The following JAK2 variants were observed in gnomAD, a reference collection of about 807,000 sequenced individuals.
JAK2 encodes tyrosine-protein kinase JAK2.
In JAK2, 86 loss-of-function variants were observed where a neutral mutation model predicts 139.3. The ratio of observed to expected loss-of-function variants is 0.62; its 90% CI spans 0.52 to 0.74. The LOEUF is 0.74. Ranked by LOEUF, JAK2 falls within the 30% of genes least tolerant of loss-of-function variation. The pLI is 0.00. For missense variants in JAK2, 1,421 were observed against 1,360.3 expected, an observed-to-expected ratio of 1.04 and a Z score of -0.70; for synonymous variants, 490 against 437.7, an observed-to-expected ratio of 1.12 and a Z score of -1.49.
At chr9:5,073,825 C>T (rs779281857) in intron 14 of JAK2, 40 bp downstream of exon 14, 2 of 1,299,234 alleles carry the variant, frequency 1.5e-6, no homozygotes, top group Non-Finnish European at 1.1e-6. Flanking sequence ...TTTCTCAGAG[C>T]ATCTGTTTTT....
chr9:5,103,221 CAAAAAAAAAAAAAAAA>C (rs56691830), intron 22 of JAK2, among the ~76,000 whole-genome samples: 19 of 6,870 alleles, frequency 2.8e-3, no homozygotes, highest in Non-Finnish European at 3.2e-3. Context: ...AAAGGGAAAG[CAAAAAAAAAAAAAAAA>C]AAAAAAAAAA....
intron 2 of JAK2, among the ~76,000 whole-genome samples, chr9:5,005,393 T>C (rs537633551): frequency 2.0e-5 from 3 of 152,148 alleles, no homozygotes; most frequent in Non-Finnish European, 4.4e-5. Flanking sequence ...GAAAATATTT[T>C]CTCCTGTTTT....
At chr9:5,026,133 G>A (rs1822769527) in intron 3 of JAK2, among the ~76,000 whole-genome samples, 1 of 151,734 alleles carries the variant, frequency 6.6e-6, no homozygotes, top group Admixed American at 6.6e-5. Context: ...TTACTCTATT[G>A]TCTTCTACTA....
chr9:5,055,295 G>T (rs888432930), intron 7 of JAK2, among the ~76,000 whole-genome samples: 3 of 151,946 alleles, frequency 2.0e-5, no homozygotes, highest in Non-Finnish European at 4.4e-5. Context: ...TGCAAGTTTT[G>T]AATTTGTTAA....
Position 5,126,700 on chromosome 9 carries a change from C to T in JAK2, c.3308C>T (p.Thr1103Ile), listed in dbSNP as rs745469565. 1 of 1,609,212 alleles carries T rather than the reference C, an allele frequency of 6.2e-7. No individual in the cohort carries two copies. The highest frequency in any genetic ancestry group is 1.7e-5 in the Admixed American group (1 of 59,696). The change falls in exon 25 of 25, where the codon ACA becomes ATA. Residue 1103 changes from threonine to isoleucine, a missense_variant. Transcript: ENST00000381652. Reference protein sequence around the residue: ...GCPDEIYMIMTECWNNNVNQR... With the variant: ...GCPDEIYMIMIECWNNNVNQR... The stretch of plus-strand genomic sequence containing the variant: ...CCTTTACAGATCTATATGATCATGA[C>T]AGAATGCTGGAACAATAATGTAAAT...
intron 12 of JAK2, among the ~76,000 whole-genome samples, chr9:5,071,283 T>C (rs914556345): frequency 6.6e-6 from 1 of 152,140 alleles, no homozygotes; most frequent in Non-Finnish European, 1.5e-5. Flanking sequence ...ATAGAAAATT[T>C]AGAAACATAC....
chr9:4,986,555 A>G (rs1819960344), intron 2 of JAK2, among the ~76,000 whole-genome samples: 1 of 152,212 alleles, frequency 6.6e-6, no homozygotes, highest in African/African-American at 2.4e-5. Flanking sequence ...TGGAGAAGGA[A>G]ACTGGAAGTG....
Position 5,064,921 on chromosome 9 carries a change from C to T in JAK2, c.1095C>T (p.Phe365=), listed in dbSNP as rs140973912. 8.2e-6 allele frequency: 13 copies of T among 1,593,860 alleles called. No individual in the cohort carries two copies. The highest frequency in any genetic ancestry group is 4.6e-5 in the South Asian group (4 of 87,514). Residue 365 remains phenylalanine (F), a synonymous_variant, in exon 9 of 25, where the codon TTC becomes TTT. Transcript: ENST00000381652. The part of the protein sequence containing the change: ...ELSSLREALS[F]VSLIDGYYRL... ...GCTCATTAAGGGAAGCTTTGTCTTT[C>T]GTGTCATTAATTGATGGATATTATA...
intron 14 of JAK2, among the ~76,000 whole-genome samples, chr9:5,074,326 T>A (rs943773106): frequency 2.0e-5 from 3 of 152,168 alleles, no homozygotes; most frequent in African/African-American, 7.2e-5. Context: ...TTGTGCTTCT[T>A]AGATATTGTA....
chr9:5,067,577 G>A (rs1818654435), intron 10 of JAK2, among the ~76,000 whole-genome samples: 1 of 151,660 alleles, frequency 6.6e-6, no homozygotes, highest in Non-Finnish European at 1.5e-5. Context: ...GTGTAAAACT[G>A]GTAATCTATC....
chr9:5,048,167 A>C (rs552428670), intron 5 of JAK2, among the ~76,000 whole-genome samples: 13 of 151,232 alleles, frequency 8.6e-5, no homozygotes, highest in African/African-American at 3.2e-4. Flanking sequence ...TTTGAGATGG[A>C]GTCTCCCACT....
rs10114718 is a variant in JAK2, at chr9:5,005,081, T to A, written c.-25-16882T>A. ...GCAGGCATGTGCCAGCATGCCTGGC[T>A]AATTTTTTTTTTTTTTTTTTTTTTT... is the stretch of plus-strand genomic sequence containing the variant. On this transcript the variant is annotated intron_variant, in intron 2 of 24. Transcript: ENST00000381652. Among the ~76,000 whole-genome samples, 159 of 127,580 alleles carry A rather than the reference T, an allele frequency of 1.2e-3. 2 individuals carry two copies. Among genetic ancestry groups the A allele is most frequent in the African/African-American group, 4.4e-3 (149 of 34,242 alleles). The allele number at this position is 127,580 out of a possible 152,430, so 83.7% of individuals were successfully genotyped here.
chr9:4,989,921 A>G (rs754820608), intron 2 of JAK2, among the ~76,000 whole-genome samples: 8 of 152,244 alleles, frequency 5.3e-5, no homozygotes, highest in Non-Finnish European at 7.4e-5. Context: ...ACCTGTAGAT[A>G]TGGAGAAGCT....
At chr9:5,103,709 C>A (rs77599868) in intron 22 of JAK2, among the ~76,000 whole-genome samples, 1 of 152,136 alleles carries the variant, frequency 6.6e-6, no homozygotes. Flanking sequence ...GATATCACAA[C>A]AAACTGGCTC....
intron 4 of JAK2, among the ~76,000 whole-genome samples, chr9:5,035,572 G>T (rs1823522773): frequency 6.6e-6 from 1 of 152,170 alleles, no homozygotes; most frequent in Non-Finnish European, 1.5e-5. Flanking sequence ...TGCAAGGCTG[G>T]TTCAACATAT....
intron 3 of JAK2, among the ~76,000 whole-genome samples, chr9:5,026,128 C>T (rs763153343): frequency 5.9e-5 from 9 of 152,096 alleles, no homozygotes; most frequent in Non-Finnish European, 8.8e-5. Context: ...TGGGATTACT[C>T]TATTGTCTTC....
chr9:5,122,253 TACTC>T (rs1471999653), intron 22 of JAK2, among the ~76,000 whole-genome samples: 2 of 152,152 alleles, frequency 1.3e-5, no homozygotes, highest in African/African-American at 2.4e-5. Context: ...GGAACCATGA[TACTC>T]ACAGTCCACT....
In JAK2 at chr9:5,091,212, T is replaced by C. The variant is rs543042431; in HGVS notation, c.3059+301T>C. 6.0e-5 allele frequency: 12 copies of C among 201,232 alleles called. No homozygotes were observed. In the South Asian group the frequency reaches 1.4e-3, roughly 23 times the overall value. The allele number at this position is 201,232 out of a possible 1,614,324, so 12.5% of individuals were successfully genotyped here. A position where few individuals can be genotyped will look rare whatever the true frequency, so the allele number is the denominator to read the frequency against. On this transcript the variant is annotated intron_variant, in intron 22 of 24. Coordinates refer to ENST00000381652, the MANE Select transcript of JAK2 (RefSeq NM_004972.4). ...TAATTATTAGTGGTGCTGTGGGTTG[T>C]GGTATTGTGTTGAATTTTGGTGGGG... is the stretch of plus-strand genomic sequence containing the variant.
At position 5,089,654 on chromosome 9, in the gene JAK2, T is replaced by G; in HGVS notation, c.2572-20T>G. 4.7e-6 allele frequency: 6 copies of G among 1,275,328 alleles called. No homozygotes were observed. Among genetic ancestry groups the G allele is most frequent in the Non-Finnish European group, 6.1e-6 (6 of 987,392 alleles). The allele number at this position is 1,275,328 out of a possible 1,614,324, so 79.0% of individuals were successfully genotyped here. A position where few individuals can be genotyped will look rare whatever the true frequency, so the allele number is the denominator to read the frequency against. ...CCTTGAAAACTTGGTATTTCCATCC[T>G]AATGTGATGTGTCATTTAGGGTAAT... On this transcript the variant is annotated intron_variant, in intron 19 of 24. Transcript: ENST00000381652.
Sources: allele counts gnomAD v4.1 joint callset (sites outside exome capture counted in the v4.1 genomes callset), GRCh38; gene constraint gnomAD v4.1.1; transcripts MANE v1.5; gene names NCBI Gene and HGNC (gene_info 2026-07-23, HGNC 2026-07-21).